The following MUC5AC variants were observed in gnomAD, a reference collection of about 807,000 sequenced individuals.
MUC5AC encodes mucin 5AC, oligomeric mucus/gel-forming.
In MUC5AC, 158 loss-of-function variants were observed where a neutral mutation model predicts 169.7. The observed-to-expected ratio is 0.93, with a 90% CI of 0.82 to 1.06. The LOEUF is 1.06. Ranked by LOEUF, MUC5AC falls within the 50% of genes least tolerant of loss-of-function variation. MUC5AC has a pLI of 0.00. For missense variants in MUC5AC, 4,359 were observed against 3,089.9 expected (o/e 1.41, Z -9.74); for synonymous variants, 1,975 against 1,237.0 (o/e 1.60, Z -12.52).
intron 24 of MUC5AC, 141 bp downstream of exon 24, chr11:1,177,774 G>A (rs1174962546): frequency 7.6e-6 from 3 of 396,734 alleles, no homozygotes; most frequent in Admixed American, 4.4e-5. Context: ...TGGGGGGGAC[G>A]GAGCCTTGGC....
chr11:1,194,541 G>T lies in MUC5AC; in HGVS notation c.15061G>T (p.Val5021Phe). Residue 5021 changes from valine (V) to phenylalanine (F), a missense_variant, in exon 35 of 49, where the codon GTC (valine) becomes TTC (phenylalanine). Physicochemically the swap from Val to Phe is conservative, Grantham distance 50. Transcript: ENST00000621226. ...SPGFRKNGIV[V>F]SRIGVKMYAT... The stretch of plus-strand genomic sequence containing the variant: ...CGGCTTCCGGAAAAACGGCATCGTG[G>T]TCTCGCGCATCGGCGTCAAGATGTA... The T allele has an allele frequency of 2.6e-6, 2 of 763,938 alleles. No homozygotes were observed. The highest frequency in any genetic ancestry group is 4.8e-6 in the Non-Finnish European group (2 of 417,222). The allele number at this position is 763,938 out of a possible 1,614,324, so 47.3% of individuals were successfully genotyped here.
At chr11:1,180,609 C>G (rs1156393133) in intron 28 of MUC5AC, 93 bp downstream of exon 28, 1 of 398,420 alleles carries the variant, frequency 2.5e-6, no homozygotes, top group East Asian at 3.6e-5. Flanking sequence ...AGCGGCAGGG[C>G]TGGGGACCTC....
Position 1,194,494 on chromosome 11 carries a change from TCAA to T in MUC5AC, c.15021_15023del (p.Asn5007del), listed in dbSNP as rs1861207807. On this transcript the variant is annotated inframe_deletion, in exon 35 of 49. Transcript: ENST00000621226. ...ACCACGCCCTGCGTCCAGATCATCT[TCAA>T]CAACAAGGTGGTCAGCCCCGGCTTC... 1 of 757,724 alleles carries T rather than the reference TCAA, an allele frequency of 1.3e-6. No homozygotes were observed. Among genetic ancestry groups the T allele is most frequent in the Non-Finnish European group, 2.4e-6 (1 of 412,752 alleles). 46.9% of individuals were successfully genotyped at this position (757,724 alleles called of 1,614,324 possible). A position where few individuals can be genotyped will look rare whatever the true frequency, so the allele number is the denominator to read the frequency against.
At chr11:1,179,940 C>G in intron 26 of MUC5AC, 82 bp from the exon 27 acceptor site, 1 of 398,116 alleles carries the variant, frequency 2.5e-6, no homozygotes, top group Non-Finnish European at 4.4e-6. Context: ...GGGAGGGAAG[C>G]GGCTTTAGAA....
chr11:1,200,384 C>T lies in MUC5AC; in HGVS notation c.16701-54C>T, dbSNP rs149404991. 1,191 of 637,700 alleles carry T rather than the reference C, an allele frequency of 1.9e-3. 4 individuals carry two copies. Among genetic ancestry groups the T allele is most frequent in the Admixed American group, 2.2e-3 (96 of 43,294 alleles). The allele number at this position is 637,700 out of a possible 1,614,324, so 39.5% of individuals were successfully genotyped here. On this transcript the variant is annotated intron_variant, in intron 48 of 48. Coordinates refer to ENST00000621226, the MANE Select transcript of MUC5AC (RefSeq NM_001304359.2). ...CAGAGCTCGGCACGGCGCCGGCTTA[C>T]GGCAGGAGGCTGGGGTGGCGCAGCA...
In MUC5AC at chr11:1,194,232, G is replaced by C. The variant is rs761229771; in HGVS notation, c.14878G>C (p.Val4960Leu). ...TGTGCCCGTGTATGGCCACTTCCGC[G>C]TGCTCGTCGACAACTACTTCTGCGG... Reference protein sequence around the residue: ...QIVPVYGHFRVLVDNYFCGAE... With the variant: ...QIVPVYGHFRLLVDNYFCGAE... The change falls in exon 34 of 49, where the codon GTG (valine) becomes CTG (leucine). Residue 4960 changes from valine to leucine, a missense_variant. Coordinates refer to ENST00000621226, the MANE Select transcript of MUC5AC (RefSeq NM_001304359.2). 1.0e-5 allele frequency: 8 copies of C among 764,830 alleles called. No homozygotes were observed. Among genetic ancestry groups the C allele is most frequent in the African/African-American group, 1.7e-5 (1 of 59,140 alleles). The allele number at this position is 764,830 out of a possible 1,614,324, so 47.4% of individuals were successfully genotyped here.
rs1860408005 is a variant in MUC5AC, at chr11:1,168,784, G to A, written c.1705+5G>A. 6.3e-7 allele frequency: 1 copy of A among 1,594,950 alleles called. No homozygotes were observed. The highest frequency in any genetic ancestry group is 8.6e-7 in the Non-Finnish European group (1 of 1,167,006). The stretch of plus-strand genomic sequence containing the variant: ...AGCTCCGTGGGCAGACCTGCGGTAA[G>A]AGGGCTGCCTTCTGGGCTTGGAGCC... On this transcript the variant is annotated splice_donor_5th_base_variant and intron_variant, in intron 14 of 48. Coordinates refer to ENST00000621226, the MANE Select transcript of MUC5AC (RefSeq NM_001304359.2).
chr11:1,175,837 G>GCACCCACTCCCACTTATGCAA (rs1860667685), intron 19 of MUC5AC, among the ~76,000 whole-genome samples: 1 of 91,284 alleles, frequency 1.1e-5, no homozygotes, highest in African/African-American at 5.1e-5. Flanking sequence ...TCATGCACAC[G>GCACCCACTCCCACTTATGCAA]CACTCACACA....
Position 1,190,843 on chromosome 11 carries a change from C to T in MUC5AC, c.12698C>T (p.Thr4233Ile), listed in dbSNP as rs1734417574. 2.7e-6 allele frequency: 2 copies of T among 742,972 alleles called. No individual in the cohort carries two copies. The highest frequency in any genetic ancestry group is 2.8e-5 in the South Asian group (2 of 71,052). 46.0% of individuals were successfully genotyped at this position (742,972 alleles called of 1,614,324 possible). A position where few individuals can be genotyped will look rare whatever the true frequency, so the allele number is the denominator to read the frequency against. ...TTPSPVPTTSTTSASTTSTTS... is the reference protein window; with the variant it reads ...TTPSPVPTTSITSASTTSTTS... Reference sequence around the variant, plus strand: ...CCAAGCCCTGTTCCCACCACCAGCACAACCTCTGCCTCTACAACCAGCACA... The same window carrying T: ...CCAAGCCCTGTTCCCACCACCAGCATAACCTCTGCCTCTACAACCAGCACA... Residue 4233 changes from threonine to isoleucine, a missense_variant, in exon 31 of 49, where the codon ACA becomes ATA. Physicochemically the swap from Thr to Ile is moderately conservative, Grantham distance 89. Transcript: ENST00000621226.
Position 1,191,784 on chromosome 11 carries a change from C to T in MUC5AC, c.13639C>T (p.Pro4547Ser), listed in dbSNP as rs772390013. ...CTCTGGTCCTGGAACTTCTCTCAGC[C>T]CTGTTCCCACCACGAGCACAACCTC... ...TTSGPGTSLS[P>S]VPTTSTTSAP... Residue 4547 changes from proline (P) to serine (S), a missense_variant, in exon 31 of 49, where the codon CCT becomes TCT. Pro to Ser is a moderately conservative substitution (Grantham distance 74, BLOSUM62 -1). Coordinates refer to ENST00000621226, the MANE Select transcript of MUC5AC (RefSeq NM_001304359.2). The T allele has an allele frequency of 1.1e-5, 8 of 760,190 alleles. No individual in the cohort carries two copies. The highest frequency in any genetic ancestry group is 1.4e-5 in the Non-Finnish European group (6 of 416,118). 47.1% of individuals were successfully genotyped at this position (760,190 alleles called of 1,614,324 possible).
rs1861311659 is a variant in MUC5AC at position 1,197,635 on chromosome 11, C to T, written c.16029C>T (p.Ser5343=). 3 of 712,062 alleles carry T rather than the reference C, an allele frequency of 4.2e-6. No individual in the cohort carries two copies. The highest frequency in any genetic ancestry group is 7.7e-6 in the Non-Finnish European group (3 of 389,178). The allele number at this position is 712,062 out of a possible 1,614,324, so 44.1% of individuals were successfully genotyped here. A position where few individuals can be genotyped will look rare whatever the true frequency, so the allele number is the denominator to read the frequency against. Reference sequence around the variant, plus strand: ...CCGGCCAGTGCTGCCCCCAGTACAGCTGCGGTAAGCCCTTTGCTGGGTGAG... The same window carrying T: ...CCGGCCAGTGCTGCCCCCAGTACAGTTGCGGTAAGCCCTTTGCTGGGTGAG... ...PQAGQCCPQY[S]CACNTSRCPA... is the part of the protein sequence containing the mutation. Residue 5343 remains serine, a synonymous_variant, in exon 41 of 49, where the codon AGC becomes AGT. Transcript: ENST00000621226.
At position 1,199,431 on chromosome 11, in the gene MUC5AC, C is replaced by T; in HGVS notation, c.16456C>T (p.Gln5486Ter). ...HCVTHQCEKH[Q>*]DGLVVVTTKK... is the part of the protein sequence containing the mutation. ...TGTGACCCACCAGTGTGAGAAGCAC[C>T]AGGATGGGCTCGTGGTGGTCACCAC... The change falls in exon 46 of 49, where the codon CAG (glutamine) becomes TAG (stop). Residue 5486 changes from glutamine to a stop codon, truncating the protein, a stop_gained. Transcript: ENST00000621226. LOFTEE classifies it high-confidence loss of function. 1 of 732,452 alleles carries T rather than the reference C, an allele frequency of 1.4e-6. No homozygotes were observed. The highest frequency in any genetic ancestry group is 1.4e-5 in the South Asian group (1 of 69,668). The allele number at this position is 732,452 out of a possible 1,614,324, so 45.4% of individuals were successfully genotyped here. A position where few individuals can be genotyped will look rare whatever the true frequency, so the allele number is the denominator to read the frequency against.
chr11:1,180,622 C>G, intron 28 of MUC5AC, 106 bp downstream of exon 28: 1 of 398,084 alleles, frequency 2.5e-6, no homozygotes, highest in Non-Finnish European at 4.4e-6. Context: ...GGGACCTCCC[C>G]GTTACTGGAG....
chr11:1,168,238 G>A (rs1172240942), intron 12 of MUC5AC, among the ~76,000 whole-genome samples: 3 of 152,182 alleles, frequency 2.0e-5, no homozygotes, highest in Admixed American at 6.5e-5. Flanking sequence ...GCGCACCTGC[G>A]GCCAGCATGG....
Position 1,174,597 on chromosome 11 carries a change from C to A in MUC5AC, c.2067C>A (p.Leu689=). Reference sequence around the variant, plus strand: ...CCTGTGCCGCCAAGGGCGTGCAGCTCGGCGGCTGGAGGGACGGCGTCTGCA... The same window carrying A: ...CCTGTGCCGCCAAGGGCGTGCAGCTAGGCGGCTGGAGGGACGGCGTCTGCA... ...VHACAAKGVQ[L]GGWRDGVCTK... Residue 689 remains leucine (L), a synonymous_variant, in exon 17 of 49, where the codon CTC becomes CTA. Transcript: ENST00000621226. The A allele has an allele frequency of 7.1e-7, 1 of 1,404,960 alleles. No homozygotes were observed. Among genetic ancestry groups the A allele is most frequent in the Non-Finnish European group, 9.7e-7 (1 of 1,025,922 alleles). 87.0% of individuals were successfully genotyped at this position (1,404,960 alleles called of 1,614,324 possible). A position where few individuals can be genotyped will look rare whatever the true frequency, so the allele number is the denominator to read the frequency against.
At chr11:1,169,992 A>AC in intron 15 of MUC5AC, among the ~76,000 whole-genome samples, 4 of 132,530 alleles carry the variant, frequency 3.0e-5, no homozygotes, top group African/African-American at 8.7e-5. Context: ...CCACTCACCC[A>AC]TTCACCCATT....
In MUC5AC at chr11:1,184,498, C is replaced by G. The variant is rs1409619062; in HGVS notation, c.6353C>G (p.Pro2118Arg). 6.2e-6 allele frequency: 4 copies of G among 646,062 alleles called. No individual in the cohort carries two copies. The East Asian group carries it at 1.0e-4, about 16-fold the overall frequency. The allele number at this position is 646,062 out of a possible 1,614,324, so 40.0% of individuals were successfully genotyped here. The change falls in exon 31 of 49, where the codon CCC becomes CGC. Residue 2118 changes from proline to arginine, a missense_variant. By Grantham distance (103) the Pro-to-Arg change is moderately radical. Coordinates refer to ENST00000621226, the MANE Select transcript of MUC5AC (RefSeq NM_001304359.2). ...ACACCAGTCACCAGAAACTGTCATCCCCGGTGCACCTGGACAACGTGGTTC... is the reference window on the plus strand; with the variant it reads ...ACACCAGTCACCAGAAACTGTCATCGCCGGTGCACCTGGACAACGTGGTTC... Reference protein sequence around the residue: ...HTTPVTRNCHPRCTWTTWFDV... With the variant: ...HTTPVTRNCHRRCTWTTWFDV...
At position 1,182,638 on chromosome 11, in the gene MUC5AC, C is replaced by A. The variant is rs1590144093; in HGVS notation, c.4493C>A (p.Thr1498Asn). The A allele has an allele frequency of 7.5e-6, 3 of 399,322 alleles. No individual in the cohort carries two copies. The highest frequency in any genetic ancestry group is 1.3e-5 in the Non-Finnish European group (3 of 226,636). The allele number at this position is 399,322 out of a possible 1,614,324, so 24.7% of individuals were successfully genotyped here. A position where few individuals can be genotyped will look rare whatever the true frequency, so the allele number is the denominator to read the frequency against. ...ACCACTCCTCCAACTACCTCCAAGA[C>A]CACTGAAACCCGGGCCTCAGGCTCC... Reference protein sequence around the residue: ...AQTTPPTTSKTTETRASGSSA... With the variant: ...AQTTPPTTSKNTETRASGSSA... Residue 1498 changes from threonine (T) to asparagine (N), a missense_variant, in exon 31 of 49, where the codon ACC becomes AAC. Physicochemically the swap from Thr to Asn is moderately conservative, Grantham distance 65 (BLOSUM62 0). Coordinates refer to ENST00000621226, the MANE Select transcript of MUC5AC (RefSeq NM_001304359.2).
chr11:1,165,383 C>A lies in MUC5AC; in HGVS notation c.1211C>A (p.Ala404Asp), dbSNP rs768149437. 3 of 1,612,434 alleles carry A rather than the reference C, an allele frequency of 1.9e-6. No individual in the cohort carries two copies. The highest frequency in any genetic ancestry group is 1.1e-5 in the South Asian group (1 of 91,074). The stretch of plus-strand genomic sequence containing the variant: ...TGCGTCTACAACGGGGCTGCCTATG[C>A]CCCAGGGGCCACCTACTCCACAGAC... ...CACVYNGAAY[A>D]PGATYSTDCT... is the part of the protein sequence containing the mutation. The change falls in exon 10 of 49, where the codon GCC (alanine) becomes GAC (aspartate). Residue 404 changes from alanine to aspartate, a missense_variant. Transcript: ENST00000621226.
Sources: allele counts gnomAD v4.1 joint callset (sites outside exome capture counted in the v4.1 genomes callset), GRCh38; gene constraint gnomAD v4.1.1; transcripts MANE v1.5; gene names NCBI Gene and HGNC (gene_info 2026-07-23, HGNC 2026-07-21).